Variants in ABCE1 observed in about 807,000 individuals in gnomAD.
ABCE1 encodes ATP binding cassette subfamily E member 1.
Under a neutral mutation model 83.4 loss-of-function variants are expected in ABCE1, and 22 were observed. The ratio of observed to expected loss-of-function variants is 0.26; its 90% CI spans 0.19 to 0.38. The LOEUF (loss-of-function observed/expected upper bound fraction) is 0.38, where lower values mean the gene tolerates loss of function less well. Among genes scored for constraint, ABCE1 ranks in the 10% least tolerant of loss-of-function variants. The pLI is 1.00. For synonymous variants in ABCE1, 204 were observed against 233.7 expected (o/e 0.87, Z 1.16); for missense variants, 330 against 721.9 (o/e 0.46, Z 6.22).
In ABCE1 at chr4:145,117,277, CT is replaced by C. The variant is rs1243515486; in HGVS notation, c.801-15del. The C allele has an allele frequency of 6.3e-7, 1 of 1,586,668 alleles. No individual in the cohort carries two copies. Among genetic ancestry groups the C allele is most frequent in the Admixed American group, 1.8e-5 (1 of 56,672 alleles). The stretch of plus-strand genomic sequence containing the variant: ...GTTATGTAAGAGTTTTAACTAAAAT[CT>C]GGTTTGATTTTCAGATATATCATTG... On this transcript the variant is annotated splice_polypyrimidine_tract_variant and intron_variant, in intron 9 of 17. Coordinates refer to ENST00000296577, the MANE Select transcript of ABCE1 (RefSeq NM_002940.3).
rs1306750126 is a variant in ABCE1 at position 145,128,696 on chromosome 4, G to C, written c.*1123G>C. 2 of 152,186 alleles carry C rather than the reference G, an allele frequency of 1.3e-5. No homozygotes were observed. Among genetic ancestry groups the C allele is most frequent in the African/African-American group, 4.8e-5 (2 of 41,440 alleles). The allele number at this position is 152,186 out of a possible 1,614,324, so 9.4% of individuals were successfully genotyped here. On this transcript the variant is annotated 3_prime_UTR_variant, in exon 18 of 18. Transcript: ENST00000296577. ...TTAAGTTGTACTTCTGACTAAACTG[G>C]AATTATGAGTGAGGAAGAGTGTTTA...
intron 10 of ABCE1, among the ~76,000 whole-genome samples, 160 bp downstream of exon 10, chr4:145,117,574 G>A (rs1312311058): frequency 6.6e-6 from 1 of 151,832 alleles, no homozygotes; most frequent in African/African-American, 2.4e-5. Flanking sequence ...ATATATATCA[G>A]TTGTTATACA....
chr4:145,115,864 G>C (rs1284785572), intron 9 of ABCE1, among the ~76,000 whole-genome samples: 1 of 151,902 alleles, frequency 6.6e-6, no homozygotes, highest in Non-Finnish European at 1.5e-5. Flanking sequence ...CACAGTGTAA[G>C]ACTAAAGATC....
chr4:145,105,695 G>A lies in ABCE1; in HGVS notation c.189+5G>A, dbSNP rs772708240. ...GGTTGTGGTATCTGTATTAAGGTAAGTAATATTTTATTTACTGGATCAAAC... is the reference window on the plus strand; with the variant it reads ...GGTTGTGGTATCTGTATTAAGGTAAATAATATTTTATTTACTGGATCAAAC... On this transcript the variant is annotated splice_donor_5th_base_variant and intron_variant, in intron 3 of 17. Coordinates refer to ENST00000296577, the MANE Select transcript of ABCE1 (RefSeq NM_002940.3). 1.8e-5 allele frequency: 29 copies of A among 1,570,332 alleles called. No homozygotes were observed. The Admixed American group carries it at 4.5e-4, about 24-fold the overall frequency.
At chr4:145,102,566 C>G (rs1749180112) in intron 1 of ABCE1, among the ~76,000 whole-genome samples, 1 of 151,892 alleles carries the variant, frequency 6.6e-6, no homozygotes, top group Non-Finnish European at 1.5e-5. Context: ...GACTAGTCAG[C>G]AGGTTTTGTG....
intron 3 of ABCE1, 24 bp from the exon 4 acceptor site, chr4:145,107,991 T>G: frequency 1.3e-6 from 2 of 1,577,506 alleles, no homozygotes; most frequent in Non-Finnish European, 8.6e-7. Context: ...AATACAAAAA[T>G]TAATTCTTTA....
intron 4 of ABCE1, 28 bp downstream of exon 4, chr4:145,108,140 C>CTGA (rs775275984): frequency 6.3e-7 from 1 of 1,586,940 alleles, no homozygotes; most frequent in South Asian, 1.1e-5. Context: ...GATTCCTCTT[C>CTGA]TGTCAAGTTA....
At position 145,121,213 on chromosome 4, in the gene ABCE1, G is replaced by A; in HGVS notation, c.1184G>A (p.Arg395Lys). 1.2e-6 allele frequency: 2 copies of A among 1,613,762 alleles called. No individual in the cohort carries two copies. Among genetic ancestry groups the A allele is most frequent in the South Asian group, 2.2e-5 (2 of 91,074 alleles). The change falls in exon 12 of 18, where the codon AGA becomes AAA. Residue 395 changes from arginine to lysine, a missense_variant. Transcript: ENST00000296577. Reference sequence around the variant, plus strand: ...ACATTTATCAGAATGCTTGCTGGAAGACTTAAACCTGATGAAGGAGGTACA... The same window carrying A: ...ACATTTATCAGAATGCTTGCTGGAAAACTTAAACCTGATGAAGGAGGTACA... ...KTTFIRMLAGRLKPDEGGEVP... is the reference protein window; with the variant it reads ...KTTFIRMLAGKLKPDEGGEVP...
At chr4:145,104,562 G>T (rs764226344) in intron 2 of ABCE1, 47 bp downstream of exon 2, 22 of 1,249,480 alleles carry the variant, frequency 1.8e-5, no homozygotes, top group African/African-American at 4.7e-5. Flanking sequence ...AACCATGAAA[G>T]AAATCAACTG....
intron 6 of ABCE1, 60 bp from the exon 7 acceptor site, chr4:145,110,310 TTTTAC>T: frequency 6.3e-7 from 1 of 1,598,750 alleles, no homozygotes; most frequent in Non-Finnish European, 8.5e-7. Flanking sequence ...AATAAACTTG[TTTTAC>T]TTTGTGATTC....
At position 145,108,116 on chromosome 4, in the gene ABCE1, T is replaced by C. The variant is rs1749357124; in HGVS notation, c.287+4T>C. The C allele has an allele frequency of 6.2e-7, 1 of 1,608,996 alleles. No individual in the cohort carries two copies. On this transcript the variant is annotated splice_donor_region_variant and intron_variant, in intron 4 of 17. Coordinates refer to ENST00000296577, the MANE Select transcript of ABCE1 (RefSeq NM_002940.3). ...CCAATGCCTTCAAACTTCACAGGTA[T>C]ATTTTCACATCAGGATTCCTCTTCT...
At chr4:145,127,483 G>A (rs754564199) in intron 17 of ABCE1, 43 bp from the exon 18 acceptor site, 1 of 1,544,994 alleles carries the variant, frequency 6.5e-7, no homozygotes, top group South Asian at 1.2e-5. Flanking sequence ...ACCTATAGTA[G>A]AATCGTGTTG....
chr4:145,104,691 G>C (rs904652366), intron 2 of ABCE1, among the ~76,000 whole-genome samples, 176 bp downstream of exon 2: 1 of 152,022 alleles, frequency 6.6e-6, no homozygotes, highest in African/African-American at 2.4e-5. Flanking sequence ...GTGACTGAAG[G>C]ATCATATTTT....
intron 7 of ABCE1, 25 bp from the exon 8 acceptor site, chr4:145,110,943 C>T: frequency 6.7e-7 from 1 of 1,495,936 alleles, no homozygotes; most frequent in South Asian, 1.2e-5. Flanking sequence ...ATACATTGAG[C>T]ACAATGCCTC....
chr4:145,125,821 T>C (rs1416551489), intron 17 of ABCE1, among the ~76,000 whole-genome samples: 1 of 152,146 alleles, frequency 6.6e-6, no homozygotes, highest in East Asian at 1.9e-4. Flanking sequence ...TCCCAGAACT[T>C]TGGGAAGCCA....
chr4:145,114,470 AAG>A (rs1749561097), intron 9 of ABCE1, among the ~76,000 whole-genome samples: 1 of 152,118 alleles, frequency 6.6e-6, no homozygotes, highest in Non-Finnish European at 1.5e-5. Context: ...TCCTAACAAT[AAG>A]AGGAAAACTA....
chr4:145,113,709 A>G (rs928639828), intron 9 of ABCE1, among the ~76,000 whole-genome samples: 2 of 152,302 alleles, frequency 1.3e-5, no homozygotes, highest in East Asian at 3.9e-4. Flanking sequence ...AAGGATTCAA[A>G]ACCCTAAGGA....
rs17019887 is a variant in ABCE1 at position 145,104,331 on chromosome 4, T to C, written c.-27-55T>C. ...TTTATGTTTTCCTGTCTTTCATGTA[T>C]GCAAATTAGTTCCCTTAACTAATGG... On this transcript the variant is annotated intron_variant, in intron 1 of 17. Transcript: ENST00000296577. 4.3e-3 allele frequency: 2,994 copies of C among 693,298 alleles called. 68 individuals carry two copies. The African/African-American group carries it at 0.05, about 11-fold the overall frequency. 42.9% of individuals were successfully genotyped at this position (693,298 alleles called of 1,614,324 possible). A position where few individuals can be genotyped will look rare whatever the true frequency, so the allele number is the denominator to read the frequency against.
chr4:145,107,024 T>TA (rs1749325061), intron 3 of ABCE1, among the ~76,000 whole-genome samples: 1 of 152,162 alleles, frequency 6.6e-6, no homozygotes, highest in Non-Finnish European at 1.5e-5. Context: ...TTTTTGCATG[T>TA]ACCTCTGTAG....
Sources: allele counts gnomAD v4.1 joint callset (sites outside exome capture counted in the v4.1 genomes callset), GRCh38; gene constraint gnomAD v4.1.1; transcripts MANE v1.5; gene names NCBI Gene and HGNC (gene_info 2026-07-23, HGNC 2026-07-21).